The following KANSL1 variants were observed in gnomAD, a reference collection of about 807,000 sequenced individuals.
KANSL1 encodes the protein MLL1/MLL complex subunit KANSL1.
KANSL1 carries 22 observed loss-of-function variants against 103.6 expected under a neutral mutation model. The ratio of observed to expected loss-of-function variants is 0.21; its 90% confidence interval spans 0.15 to 0.30. The LOEUF is 0.30. Among genes scored for constraint, KANSL1 ranks in the 10% least tolerant of loss-of-function variants. The pLI is 1.00. For missense variants in KANSL1, 1,337 were observed against 1,399.8 expected (o/e 0.96, Z 0.72); for synonymous variants, 600 against 527.6 (o/e 1.14, Z -1.88).
At chr17:46,188,123 A>G (rs1051549399) in intron 1 of KANSL1, among the ~76,000 whole-genome samples, 10 of 152,226 alleles carry the variant, frequency 6.6e-5, no homozygotes, top group Admixed American at 3.9e-4. Context: ...CATACTAGTC[A>G]TCTCCTATGA....
At chr17:46,180,854 CAT>C (rs921170668) in intron 1 of KANSL1, among the ~76,000 whole-genome samples, 8 of 152,092 alleles carry the variant, frequency 5.3e-5, no homozygotes, top group African/African-American at 1.9e-4. Flanking sequence ...AAAGTATATA[CAT>C]ATATATATAC....
At chr17:46,118,775 T>C (rs1212234161) in intron 2 of KANSL1, among the ~76,000 whole-genome samples, 2 of 152,226 alleles carry the variant, frequency 1.3e-5, no homozygotes, top group East Asian at 1.9e-4. Flanking sequence ...AGCCGACGGA[T>C]AAACAACCAA....
chr17:46,184,953 C>A (rs1597910596), intron 1 of KANSL1, among the ~76,000 whole-genome samples: 1 of 151,796 alleles, frequency 6.6e-6, no homozygotes, highest in Non-Finnish European at 1.5e-5. Context: ...GTTTCTCCTG[C>A]CTCAGCCTCC....
In KANSL1 at chr17:46,114,755, C is replaced by T. The variant is rs558767518; in HGVS notation, c.1290-20054G>A. Among the ~76,000 whole-genome samples, 121 of 152,322 alleles carry T rather than the reference C, an allele frequency of 7.9e-4. 1 individual carries two copies. The highest frequency in any genetic ancestry group is 6.8e-4 in the Non-Finnish European group (46 of 68,032). On this transcript the variant is annotated intron_variant, in intron 2 of 14. Coordinates refer to ENST00000432791, the MANE Select transcript of KANSL1 (RefSeq NM_015443.4). ...CTTGTTTAAAGTTATTAGACTATGA[C>T]AGTCATCTGAGTGGGGAGGTAACTA...
intron 7 of KANSL1, chr17:46,044,171 A>G (rs2077422411): frequency 6.6e-6 from 1 of 152,242 alleles, no homozygotes; most frequent in African/African-American, 2.4e-5. Flanking sequence ...CCATTCAGCT[A>G]GAGGTCTCCT....
chr17:46,198,430 A>T, upstream of KANSL1, among the ~76,000 whole-genome samples: 1 of 143,902 alleles, frequency 6.9e-6, no homozygotes, highest in East Asian at 2.0e-4. Context: ...ATTAAAAAAA[A>T]AAAAAAAAAA....
intron 1 of KANSL1, among the ~76,000 whole-genome samples, chr17:46,176,485 G>T (rs1296576789): frequency 2.6e-5 from 4 of 152,178 alleles, no homozygotes; most frequent in Non-Finnish European, 5.9e-5. Context: ...GAGGTCAGGA[G>T]TTCAAGACCA....
intron 6 of KANSL1, among the ~76,000 whole-genome samples, chr17:46,057,408 A>G (rs1459028156): frequency 6.6e-6 from 1 of 152,208 alleles, no homozygotes; most frequent in Non-Finnish European, 1.5e-5. Context: ...GGGTAAACAA[A>G]TAGTTGAAAA....
intron 10 of KANSL1, 98 bp downstream of exon 10, chr17:46,038,440 T>A: frequency 7.6e-7 from 1 of 1,312,098 alleles, no homozygotes; most frequent in Non-Finnish European, 1.0e-6. Context: ...ATAAATGCCC[T>A]GGGCTTTATA....
At chr17:46,121,900 C>G (rs1476637301) in intron 2 of KANSL1, among the ~76,000 whole-genome samples, 1 of 152,164 alleles carries the variant, frequency 6.6e-6, no homozygotes, top group Non-Finnish European at 1.5e-5. Flanking sequence ...TTAACGTGCT[C>G]AGAACACATA....
chr17:46,136,036 C>A (rs1279404363), intron 2 of KANSL1, among the ~76,000 whole-genome samples: 1 of 152,086 alleles, frequency 6.6e-6, no homozygotes, highest in African/African-American at 2.4e-5. Flanking sequence ...TGTTCCTACA[C>A]TAGTTTAAAA....
At chr17:46,062,091 C>CAAAAAAAAAAAAAAAAAA (rs35638067) in intron 6 of KANSL1, among the ~76,000 whole-genome samples, 1 of 70,076 alleles carries the variant, frequency 1.4e-5, no homozygotes, top group Non-Finnish European at 2.4e-5. Flanking sequence ...GACTCCGACT[C>CAAAAAAAAAAAAAAAAAA]AAAAAAAAAA....
At chr17:46,097,669 C>A (rs1436157150) in intron 2 of KANSL1, among the ~76,000 whole-genome samples, 1 of 152,200 alleles carries the variant, frequency 6.6e-6, no homozygotes, top group Non-Finnish European at 1.5e-5. Context: ...ATTTCATAAT[C>A]TACCACAAAA....
intron 4 of KANSL1, among the ~76,000 whole-genome samples, chr17:46,075,389 T>C (rs2078726945): frequency 6.6e-6 from 1 of 152,200 alleles, no homozygotes; most frequent in Non-Finnish European, 1.5e-5. Flanking sequence ...CAGGCTGGAA[T>C]GCAGTGGCAC....
chr17:46,207,137 T>C (rs1203141658), intron 1 of KANSL1, among the ~76,000 whole-genome samples: 1 of 152,022 alleles, frequency 6.6e-6, no homozygotes, highest in East Asian at 1.9e-4. Context: ...TAGCCAGGCA[T>C]GGTGGCACAC....
intron 6 of KANSL1, among the ~76,000 whole-genome samples, chr17:46,055,956 C>A (rs1216229629): frequency 6.6e-6 from 1 of 152,168 alleles, no homozygotes; most frequent in Non-Finnish European, 1.5e-5. Flanking sequence ...TGCATTTCTG[C>A]CTCACACCAA....
upstream of KANSL1, among the ~76,000 whole-genome samples, chr17:46,198,283 CTAT>C (rs67542749): frequency 0.14 from 21,948 of 152,050 alleles, 2,138 homozygotes; most frequent in Non-Finnish European, 0.22. Flanking sequence ...TTAAGTTTAA[CTAT>C]TATTATTAGT....
chr17:46,080,803 G>A (rs1357638132), intron 4 of KANSL1, among the ~76,000 whole-genome samples: 1 of 141,678 alleles, frequency 7.1e-6, no homozygotes, highest in African/African-American at 2.6e-5. Context: ...CACGAAAACA[G>A]GGAAGGGGTA....
chr17:46,180,609 C>G (rs941037947), intron 1 of KANSL1, among the ~76,000 whole-genome samples: 2 of 152,130 alleles, frequency 1.3e-5, no homozygotes, highest in East Asian at 3.8e-4. Flanking sequence ...TCACTTGAAC[C>G]CAGGAGGCAG....
Sources: gnomAD v4.1 joint callset for allele counts (sites outside exome capture counted in the v4.1 genomes callset) on GRCh38, gnomAD v4.1.1 for gene constraint, MANE v1.5 for transcripts, NCBI Gene and HGNC (gene_info 2026-07-23, HGNC 2026-07-21) for gene names.